Variants in CRACR2A observed in about 807,000 individuals in gnomAD.
CRACR2A encodes the protein calcium release activated channel regulator 2A.
Under a neutral mutation model 90.5 loss-of-function variants are expected in CRACR2A, and 79 were observed. The observed-to-expected ratio is 0.87, with a 90% CI of 0.73 to 1.05. The LOEUF (loss-of-function observed/expected upper bound fraction) is 1.05, where lower values mean the gene tolerates loss of function less well. CRACR2A is among the 50% of genes least tolerant of loss of function. The pLI, the probability that CRACR2A is intolerant of heterozygous loss-of-function variation, is 0.00. For synonymous variants in CRACR2A, 338 were observed against 356.7 expected, an observed-to-expected ratio of 0.95 and a Z score of 0.59; for missense variants, 823 against 897.2, an observed-to-expected ratio of 0.92 and a Z score of 1.06.
At chr12:3,646,466 T>G (rs1220534677) in intron 11 of CRACR2A, among the ~76,000 whole-genome samples, 3 of 152,084 alleles carry the variant, frequency 2.0e-5, no homozygotes, top group African/African-American at 7.2e-5. Flanking sequence ...TAGAAAGAGA[T>G]TTTAGGTGGG....
Position 3,717,692 on chromosome 12 carries a change from C to T in CRACR2A, c.-117-4375G>A, listed in dbSNP as rs372483072. On this transcript the variant is annotated intron_variant, in intron 2 of 19. Coordinates refer to ENST00000440314, the MANE Select transcript of CRACR2A (RefSeq NM_001144958.2). ...TTTGTAATACACCTACATTATTATA[C>T]GGCTTTCAAAGATTACGCTATCTTA... 2.4e-4 allele frequency among the ~76,000 whole-genome samples: 36 copies of T among 152,322 alleles called. 1 individual carries two copies. The highest frequency in any genetic ancestry group is 8.4e-4 in the African/African-American group (35 of 41,554).
chr12:3,630,049 G>A (rs759802070), intron 15 of CRACR2A, among the ~76,000 whole-genome samples: 1 of 152,118 alleles, frequency 6.6e-6, no homozygotes, highest in Non-Finnish European at 1.5e-5. Flanking sequence ...GACCAGCAAC[G>A]TGACCTTGAT....
rs1019152257 is a variant in CRACR2A, at chr12:3,711,828, T to C, written c.-37+1409A>G. On this transcript the variant is annotated intron_variant, in intron 3 of 19. Coordinates refer to ENST00000440314, the MANE Select transcript of CRACR2A (RefSeq NM_001144958.2). The surrounding 1 kb of genome is among the most constrained non-coding windows in gnomAD (Gnocchi z 4.3). The stretch of plus-strand genomic sequence containing the variant: ...ATTCAGTATTAGTTAGAGTTTAACA[T>C]ACAAGATGCTATACTGAGGTGGAAT... Among the ~76,000 whole-genome samples the C allele has an allele frequency of 2.6e-5, 4 of 152,212 alleles. No individual in the cohort carries two copies. Among genetic ancestry groups the C allele is most frequent in the African/African-American group, 9.7e-5 (4 of 41,450 alleles).
At chr12:3,685,625 G>A (rs1328632661) in intron 4 of CRACR2A, among the ~76,000 whole-genome samples, 1 of 152,200 alleles carries the variant, frequency 6.6e-6, no homozygotes, top group African/African-American at 2.4e-5. Flanking sequence ...AAATAAGCCA[G>A]TCTCAAAAGG....
rs574176116 is a variant in CRACR2A at position 3,647,855 on chromosome 12, T to A, written c.1118+687A>T. ...CAAGAGGTGCTCAGCAGGCAGTGAC[T>A]TAGAAACTTCATGGGCAACATCAAA... On this transcript the variant is annotated intron_variant, in intron 11 of 19. Transcript: ENST00000440314. The A allele has an allele frequency of 1.1e-5, 11 of 985,420 alleles. No individual in the cohort carries two copies. The East Asian group carries it at 5.7e-4, about 51-fold the overall frequency. The allele number at this position is 985,420 out of a possible 1,614,324, so 61.0% of individuals were successfully genotyped here.
intron 13 of CRACR2A, 127 bp downstream of exon 13, chr12:3,641,605 G>A: frequency 2.8e-6 from 2 of 718,474 alleles, no homozygotes; most frequent in South Asian, 3.6e-5. Flanking sequence ...AGATTTGAGG[G>A]GAGTGAGTGC....
At position 3,747,994 on chromosome 12, in the gene CRACR2A, G is replaced by C. The variant is rs188123199; in HGVS notation, c.-387+5021C>G. Among the ~76,000 whole-genome samples, 170 of 150,616 alleles carry C rather than the reference G, an allele frequency of 1.1e-3. 1 individual carries two copies. Among genetic ancestry groups the C allele is most frequent in the Non-Finnish European group, 2.2e-4 (15 of 67,708 alleles). ...AGGGCACAGAGTTCCACAGGCTCAG[G>C]GGTACACCCAGAAGGGCACAGAGTT... On this transcript the variant is annotated intron_variant, in intron 1 of 19. Coordinates refer to ENST00000440314, the MANE Select transcript of CRACR2A (RefSeq NM_001144958.2).
chr12:3,740,876 T>C (rs1946514133), intron 1 of CRACR2A, among the ~76,000 whole-genome samples: 1 of 152,224 alleles, frequency 6.6e-6, no homozygotes, highest in Non-Finnish European at 1.5e-5. Flanking sequence ...ATAATAATTG[T>C]ACCAGCTTGT....
intron 13 of CRACR2A, among the ~76,000 whole-genome samples, chr12:3,639,550 G>A (rs1250527344): frequency 6.6e-6 from 1 of 151,724 alleles, no homozygotes. Context: ...AGAGCCAAAG[G>A]AGAAAGGAAC....
chr12:3,687,874 A>T (rs1034367309), intron 4 of CRACR2A, among the ~76,000 whole-genome samples: 8 of 152,156 alleles, frequency 5.3e-5, no homozygotes, highest in African/African-American at 1.9e-4. Flanking sequence ...GCTTTTTAGT[A>T]ATAGCCATTC....
chr12:3,694,625 A>T (rs1467444592), intron 4 of CRACR2A, among the ~76,000 whole-genome samples: 1 of 152,090 alleles, frequency 6.6e-6, no homozygotes, highest in Non-Finnish European at 1.5e-5. Flanking sequence ...GGGCATGGGG[A>T]CTTTCTGCAG....
intron 7 of CRACR2A, among the ~76,000 whole-genome samples, chr12:3,671,528 C>T (rs147829127): frequency 2.4e-4 from 36 of 152,238 alleles, no homozygotes; most frequent in African/African-American, 8.7e-4. Flanking sequence ...ACCTGGACAC[C>T]CTGCTAAAAT....
intron 4 of CRACR2A, among the ~76,000 whole-genome samples, chr12:3,692,302 G>A (rs1419724533): frequency 6.6e-6 from 1 of 151,954 alleles, no homozygotes; most frequent in Non-Finnish European, 1.5e-5. Flanking sequence ...GCTGACCTTT[G>A]GATTTTTTTT....
intron 5 of CRACR2A, among the ~76,000 whole-genome samples, chr12:3,679,491 C>T (rs371962544): frequency 6.6e-6 from 1 of 152,164 alleles, no homozygotes; most frequent in Non-Finnish European, 1.5e-5. Flanking sequence ...GTCATCCTCC[C>T]GCTAGCATCA....
intron 1 of CRACR2A, among the ~76,000 whole-genome samples, chr12:3,752,124 G>C (rs1203346355): frequency 6.6e-6 from 1 of 152,154 alleles, no homozygotes; most frequent in East Asian, 1.9e-4. Flanking sequence ...CCACCCTGGG[G>C]ACTCCCACGG....
At chr12:3,685,627 C>T (rs1017761793) in intron 4 of CRACR2A, among the ~76,000 whole-genome samples, 2 of 152,144 alleles carry the variant, frequency 1.3e-5, no homozygotes, top group African/African-American at 4.8e-5. Context: ...ATAAGCCAGT[C>T]TCAAAAGGAC....
In CRACR2A at chr12:3,646,195, G is replaced by A. The variant is rs778286214; in HGVS notation, c.1119-1555C>T. On this transcript the variant is annotated intron_variant, in intron 11 of 19. Transcript: ENST00000440314. ...GAAAGTGAGTTGACTGGGTCGCAGCGCGACTGCAGAATGCACTTGGGGATC... is the reference window on the plus strand; with the variant it reads ...GAAAGTGAGTTGACTGGGTCGCAGCACGACTGCAGAATGCACTTGGGGATC... Among the ~76,000 whole-genome samples the A allele has an allele frequency of 2.4e-4, 36 of 152,344 alleles. 1 individual carries two copies. The highest frequency in any genetic ancestry group is 4.1e-4 in the South Asian group (2 of 4,830).
At chr12:3,710,125 A>T (rs556160054) in intron 3 of CRACR2A, among the ~76,000 whole-genome samples, 143 of 152,300 alleles carry the variant, frequency 9.4e-4, no homozygotes, top group Non-Finnish European at 1.3e-3. Context: ...TTCAGTGTCA[A>T]TCTTAAACAC....
chr12:3,661,138 C>T (rs1945026926), intron 7 of CRACR2A, among the ~76,000 whole-genome samples: 1 of 152,204 alleles, frequency 6.6e-6, no homozygotes, highest in East Asian at 1.9e-4. Flanking sequence ...AAGGCTTTGC[C>T]ACAGCCCAAT....
Sources: allele counts gnomAD v4.1 joint callset (sites outside exome capture counted in the v4.1 genomes callset), GRCh38; gene constraint gnomAD v4.1.1; non-coding constraint Gnocchi (gnomAD v3.1); transcripts MANE v1.5; gene names NCBI Gene and HGNC (gene_info 2026-07-23, HGNC 2026-07-21).